The following SWAP70 variants were observed in gnomAD, a reference collection of about 807,000 sequenced individuals.
The protein encoded by SWAP70 is switching B cell complex subunit SWAP70.
In SWAP70, 34 loss-of-function variants were observed where a neutral mutation model predicts 80.2. That is an observed-to-expected ratio of 0.42 (90% CI 0.32 to 0.56). SWAP70 has a LOEUF of 0.56. Ranked by LOEUF, SWAP70 falls within the 20% of genes least tolerant of loss-of-function variation. The pLI is 0.09. For missense variants in SWAP70, 578 were observed against 690.7 expected, an observed-to-expected ratio of 0.84 and a Z score of 1.83; for synonymous variants, 239 against 238.5, an observed-to-expected ratio of 1.00 and a Z score of -0.02.
intron 1 of SWAP70, among the ~76,000 whole-genome samples, chr11:9,677,680 A>G (rs1012329966): frequency 2.0e-5 from 3 of 152,330 alleles, no homozygotes; most frequent in African/African-American, 7.2e-5. Context: ...ACATGTCAGC[A>G]CTGGAAATGT....
chr11:9,733,357 T>C (rs1012382649), intron 7 of SWAP70, among the ~76,000 whole-genome samples: 2 of 152,232 alleles, frequency 1.3e-5, no homozygotes, highest in Non-Finnish European at 2.9e-5. Flanking sequence ...GAGCACTTGC[T>C]AACCACAAGC....
chr11:9,685,915 G>A (rs1050769188), intron 1 of SWAP70, among the ~76,000 whole-genome samples: 2 of 151,886 alleles, frequency 1.3e-5, no homozygotes, highest in African/African-American at 2.4e-5. Flanking sequence ...GATTACAGGC[G>A]TGAGCCATTG....
At chr11:9,720,588 T>A in intron 3 of SWAP70, 1 of 602,868 alleles carries the variant, frequency 1.7e-6, no homozygotes, top group Non-Finnish European at 2.1e-6. Flanking sequence ...CACACACATG[T>A]GGCTATACAC....
intron 3 of SWAP70, among the ~76,000 whole-genome samples, chr11:9,716,498 C>T (rs1337678933): frequency 6.6e-6 from 1 of 152,198 alleles, no homozygotes; most frequent in Admixed American, 6.5e-5. Context: ...ACAAATTACT[C>T]ACTCTCTCTG....
At chr11:9,711,405 G>A (rs529521755) in intron 2 of SWAP70, among the ~76,000 whole-genome samples, 1 of 152,116 alleles carries the variant, frequency 6.6e-6, no homozygotes, top group Non-Finnish European at 1.5e-5. Flanking sequence ...GTGTGTGTGT[G>A]TGTCTGTCTG....
At chr11:9,703,618 G>A (rs1476927310) in intron 2 of SWAP70, among the ~76,000 whole-genome samples, 1 of 152,110 alleles carries the variant, frequency 6.6e-6, no homozygotes, top group Non-Finnish European at 1.5e-5. Context: ...TTCCTCTATA[G>A]CACTTACTAG....
chr11:9,696,034 A>C (rs1024192743), intron 2 of SWAP70, among the ~76,000 whole-genome samples: 9 of 152,116 alleles, frequency 5.9e-5, no homozygotes, highest in Non-Finnish European at 8.8e-5. Context: ...TAAAGTGTGG[A>C]AGTGGTGGAG....
chr11:9,690,983 A>G (rs965419534), intron 1 of SWAP70, among the ~76,000 whole-genome samples: 12 of 152,072 alleles, frequency 7.9e-5, no homozygotes, highest in Admixed American at 6.6e-4. Flanking sequence ...GGCTCAATGC[A>G]GCCTCGACCT....
chr11:9,741,032 G>A (rs192529001), intron 9 of SWAP70: 4 of 153,456 alleles, frequency 2.6e-5, no homozygotes, highest in Non-Finnish European at 5.8e-5. Context: ...ATTATTTAAG[G>A]TGTCTGGGAT....
In SWAP70 at chr11:9,751,574, C is replaced by T. The variant is rs1047522252; in HGVS notation, c.*1604C>T. The T allele has an allele frequency of 6.6e-6, 1 of 152,150 alleles. No homozygotes were observed. Among genetic ancestry groups the T allele is most frequent in the African/African-American group, 2.4e-5 (1 of 41,424 alleles). 9.4% of individuals were successfully genotyped at this position (152,150 alleles called of 1,614,324 possible). On this transcript the variant is annotated 3_prime_UTR_variant, in exon 12 of 12. Transcript: ENST00000318950. ...CAGGTATTAAATGAGGACAGAGAAC[C>T]TCAGGTGTTCTTATGCTAGTGCTTG...
chr11:9,700,408 A>G (rs1288055293), intron 2 of SWAP70, among the ~76,000 whole-genome samples: 1 of 152,232 alleles, frequency 6.6e-6, no homozygotes, highest in Non-Finnish European at 1.5e-5. Context: ...TTGGTTGAAA[A>G]AAGAAATGCC....
intron 3 of SWAP70, among the ~76,000 whole-genome samples, chr11:9,717,072 T>C (rs1851075546): frequency 6.6e-6 from 1 of 152,198 alleles, no homozygotes; most frequent in African/African-American, 2.4e-5. Flanking sequence ...TGCCCTTGGA[T>C]TTAACAATTA....
chr11:9,709,990 A>G (rs1008615083), intron 2 of SWAP70, among the ~76,000 whole-genome samples: 1 of 152,342 alleles, frequency 6.6e-6, no homozygotes, highest in South Asian at 2.1e-4. Flanking sequence ...TGTATTTACT[A>G]TTCATTCAGT....
intron 6 of SWAP70, 44 bp downstream of exon 6, chr11:9,729,495 TCTGA>T (rs1416537024): frequency 5.0e-6 from 7 of 1,412,276 alleles, no homozygotes; most frequent in Admixed American, 1.8e-5. Flanking sequence ...ACTTGAAAGC[TCTGA>T]CTTTCTTTTT....
Position 9,720,208 on chromosome 11 carries a change from T to A in SWAP70, c.415-4450T>A, listed in dbSNP as rs540673035. On this transcript the variant is annotated intron_variant, in intron 3 of 11. Transcript: ENST00000318950. The stretch of plus-strand genomic sequence containing the variant: ...AGGCCCTTAAGTTATTTGGTTATGA[T>A]ACGTATATGATTGTGTTGAAAGTCA... 73 of 985,424 alleles carry A rather than the reference T, an allele frequency of 7.4e-5. No homozygotes were observed. The South Asian group carries it at 3.1e-3, about 42-fold the overall frequency. 61.0% of individuals were successfully genotyped at this position (985,424 alleles called of 1,614,324 possible).
chr11:9,682,764 C>T (rs1409470721), intron 1 of SWAP70, among the ~76,000 whole-genome samples: 1 of 152,194 alleles, frequency 6.6e-6, no homozygotes, highest in African/African-American at 2.4e-5. Flanking sequence ...GCAACCTCCG[C>T]CTCCCGGGTT....
chr11:9,725,566 TA>T (rs1455226842), intron 4 of SWAP70, among the ~76,000 whole-genome samples: 78 of 14,384 alleles, frequency 5.4e-3, no homozygotes, highest in South Asian at 0.018. Context: ...TATATATATA[TA>T]TATTTTTTTT....
intron 4 of SWAP70, 57 bp from the exon 5 acceptor site, chr11:9,727,996 A>T: frequency 7.0e-7 from 1 of 1,438,190 alleles, no homozygotes; most frequent in Non-Finnish European, 9.3e-7. Context: ...CAAGGAAGAG[A>T]TGTCAGCTCT....
intron 1 of SWAP70, among the ~76,000 whole-genome samples, chr11:9,676,164 T>C (rs1418443165): frequency 1.3e-5 from 2 of 152,248 alleles, no homozygotes; most frequent in African/African-American, 4.8e-5. Flanking sequence ...ACAAACCGTA[T>C]AGTTTAAGAC....
Sources: allele counts gnomAD v4.1 joint callset (sites outside exome capture counted in the v4.1 genomes callset), GRCh38; gene constraint gnomAD v4.1.1; transcripts MANE v1.5; gene names NCBI Gene and HGNC (gene_info 2026-07-23, HGNC 2026-07-21).